XYLB: variants seen among roughly 807,000 people sequenced by gnomAD.
XYLB encodes xylulokinase.
XYLB carries 62 observed loss-of-function variants against 78.7 expected under a neutral mutation model. The observed-to-expected ratio is 0.79, with a 90% CI of 0.64 to 0.97. The LOEUF (loss-of-function observed/expected upper bound fraction) is 0.97. Ranked by LOEUF, XYLB falls within the 50% of genes least tolerant of loss-of-function variation. The probability of loss-of-function intolerance (pLI) is 0.00; values close to 1 mark genes in which losing one functional copy is unlikely to be tolerated. For missense variants in XYLB, 687 were observed against 676.8 expected, an observed-to-expected ratio of 1.02 and a Z score of -0.17; for synonymous variants, 245 against 247.4, an observed-to-expected ratio of 0.99 and a Z score of 0.09.
At chr3:38,388,457 A>G (rs777659161) in intron 15 of XYLB, among the ~76,000 whole-genome samples, 2 of 152,076 alleles carry the variant, frequency 1.3e-5, no homozygotes, top group Admixed American at 6.6e-5. Flanking sequence ...CACAATATAT[A>G]CATATTTCAA....
At chr3:38,440,869 C>CCT in the XYLB span, among the ~76,000 whole-genome samples, 7 of 150,296 alleles carry the variant, frequency 4.7e-5, no homozygotes, top group South Asian at 4.2e-4. Flanking sequence ...TTTGTCTCTT[C>CCT]CTCTCTCTCT....
At chr3:38,388,701 T>C (rs558044157) in intron 15 of XYLB, among the ~76,000 whole-genome samples, 4 of 152,318 alleles carry the variant, frequency 2.6e-5, no homozygotes, top group South Asian at 4.1e-4. Flanking sequence ...ATTGTTATGT[T>C]ATATCCACAA....
the XYLB span, among the ~76,000 whole-genome samples, chr3:38,435,866 A>G: frequency 6.6e-6 from 1 of 152,210 alleles, no homozygotes; most frequent in Non-Finnish European, 1.5e-5. Context: ...GAAGAAATTG[A>G]GATGGAAATA....
intron 4 of XYLB, among the ~76,000 whole-genome samples, chr3:38,363,306 T>A (rs951201860): frequency 6.6e-6 from 1 of 152,208 alleles, no homozygotes; most frequent in African/African-American, 2.4e-5. Context: ...GCAATTGACA[T>A]GAATTTATTA....
At chr3:38,369,897 T>G (rs1706454640) in intron 8 of XYLB, among the ~76,000 whole-genome samples, 159 bp from the exon 9 acceptor site, 1 of 152,206 alleles carries the variant, frequency 6.6e-6, no homozygotes, top group African/African-American at 2.4e-5. Context: ...TCTCTGGTTC[T>G]CTGGTTCTAG....
the XYLB span, among the ~76,000 whole-genome samples, chr3:38,438,050 G>C: frequency 1.3e-5 from 2 of 151,744 alleles, no homozygotes; most frequent in Admixed American, 6.6e-5. Context: ...GCAAGATTCT[G>C]TCTCAAAAAA....
At chr3:38,389,607 G>A (rs537390677) in intron 15 of XYLB, among the ~76,000 whole-genome samples, 77 of 152,256 alleles carry the variant, frequency 5.1e-4, no homozygotes, top group African/African-American at 1.6e-3. Context: ...CGGACGGGGC[G>A]GCTGGCCGGG....
chr3:38,425,745 G>T (rs189043597), downstream of XYLB, among the ~76,000 whole-genome samples: 251 of 152,338 alleles, frequency 1.6e-3, 2 homozygotes, highest in Admixed American at 0.013. Flanking sequence ...TCATGAGCCA[G>T]ATGCTGAGGA....
chr3:38,414,681 A>T lies in XYLB; in HGVS notation c.*1668A>T, dbSNP rs1217500888. 6.6e-6 allele frequency: 1 copy of T among 152,240 alleles called. No individual in the cohort carries two copies. Among genetic ancestry groups the T allele is most frequent in the Non-Finnish European group, 1.5e-5 (1 of 68,040 alleles). 9.4% of individuals were successfully genotyped at this position (152,240 alleles called of 1,614,324 possible). ...GGAAATAATTTGAACAAAAAGATAA[A>T]TCTTCACAGATATGAATACTAAATT... On this transcript the variant is annotated 3_prime_UTR_variant, in exon 19 of 19. Transcript: ENST00000207870.
intron 18 of XYLB, among the ~76,000 whole-genome samples, chr3:38,411,015 G>A (rs1488459607): frequency 6.6e-6 from 1 of 152,120 alleles, no homozygotes; most frequent in Non-Finnish European, 1.5e-5. Context: ...ATTTGACCCA[G>A]CCATCCCATT....
chr3:38,426,131 G>C (rs776958014), downstream of XYLB, among the ~76,000 whole-genome samples: 1 of 152,158 alleles, frequency 6.6e-6, no homozygotes, highest in Non-Finnish European at 1.5e-5. Flanking sequence ...GCGGCAGCTG[G>C]AGTTGCTTTG....
At chr3:38,421,626 C>G (rs1708982320), downstream of XYLB, among the ~76,000 whole-genome samples, 1 of 152,072 alleles carries the variant, frequency 6.6e-6, no homozygotes, top group Non-Finnish European at 1.5e-5. Flanking sequence ...GGGGATATTC[C>G]TATAACTGGT....
chr3:38,446,624 A>G, the XYLB span, among the ~76,000 whole-genome samples: 1 of 152,366 alleles, frequency 6.6e-6, no homozygotes, highest in East Asian at 1.9e-4. Flanking sequence ...ACATATTTAT[A>G]GCCAACGAAT....
At chr3:38,416,940 C>T (rs1315789956), downstream of XYLB, among the ~76,000 whole-genome samples, 1 of 152,124 alleles carries the variant, frequency 6.6e-6, no homozygotes, top group East Asian at 1.9e-4. Context: ...TGTCAAAGCA[C>T]ATAACATTTG....
At chr3:38,388,565 A>T (rs952119358) in intron 15 of XYLB, among the ~76,000 whole-genome samples, 1 of 152,220 alleles carries the variant, frequency 6.6e-6, no homozygotes, top group Admixed American at 6.5e-5. Flanking sequence ...ATAACAGCAT[A>T]CTAACAGTGT....
rs1204714271 is a variant in XYLB at position 38,389,586 on chromosome 3, C to G, written c.1292-5919C>G. Among the ~76,000 whole-genome samples the G allele has an allele frequency of 1.9e-4, 29 of 149,910 alleles. 1 individual carries two copies. The highest frequency in any genetic ancestry group is 7.4e-5 in the Non-Finnish European group (5 of 67,840). On this transcript the variant is annotated intron_variant, in intron 15 of 18. Transcript: ENST00000207870. ...GCTGGCCGGGCGGGGGCTGACCCCC[C>G]ACCTCCCTCCCGGACGGGGCGGCTG...
At chr3:38,369,187 G>T (rs1706415225) in intron 8 of XYLB, among the ~76,000 whole-genome samples, 1 of 152,136 alleles carries the variant, frequency 6.6e-6, no homozygotes, top group Non-Finnish European at 1.5e-5. Flanking sequence ...GCTTTATTCT[G>T]GTTTCAGGAG....
At chr3:38,397,303 C>G (rs1707914602) in intron 17 of XYLB, 144 bp downstream of exon 17, 1 of 756,452 alleles carries the variant, frequency 1.3e-6, no homozygotes, top group Non-Finnish European at 2.3e-6. Flanking sequence ...TTTCTAGCTC[C>G]CAGCAGGTGA....
downstream of XYLB, chr3:38,421,457 C>T (rs1708975868): frequency 6.6e-6 from 1 of 152,240 alleles, no homozygotes; most frequent in Non-Finnish European, 1.5e-5. Context: ...GCTTCGCCAT[C>T]TCAGAAAAGG....
Sources: allele counts gnomAD v4.1 joint callset (sites outside exome capture counted in the v4.1 genomes callset), GRCh38; gene constraint gnomAD v4.1.1; transcripts MANE v1.5; gene names NCBI Gene and HGNC (gene_info 2026-07-23, HGNC 2026-07-21).